The following SLIT2 variants were observed in gnomAD, a reference collection of about 807,000 sequenced individuals.
SLIT2 encodes slit guidance ligand 2.
A neutral mutation model predicts 185.7 loss-of-function variants in SLIT2; 41 were observed. The observed-to-expected ratio is 0.22, with a 90% CI of 0.17 to 0.29. The LOEUF is 0.29. Ranked by LOEUF, SLIT2 falls within the 10% of genes least tolerant of loss-of-function variation. The pLI is 1.00. For missense variants in SLIT2, 1,571 were observed against 1,909.0 expected, an observed-to-expected ratio of 0.82 and a Z score of 3.30; for synonymous variants, 693 against 680.2, an observed-to-expected ratio of 1.02 and a Z score of -0.29.
At chr4:20,505,763 G>T (rs1314786841) in intron 9 of SLIT2, among the ~76,000 whole-genome samples, 1 of 151,920 alleles carries the variant, frequency 6.6e-6, no homozygotes, top group Non-Finnish European at 1.5e-5. Context: ...TAAAGCAGAG[G>T]GATATTTCAC....
chr4:20,302,594 A>C (rs1381476775), intron 4 of SLIT2, among the ~76,000 whole-genome samples: 1 of 152,098 alleles, frequency 6.6e-6, no homozygotes, highest in Non-Finnish European at 1.5e-5. Context: ...GGACTGTGGG[A>C]GGAGATGGCA....
chr4:20,594,140 T>C (rs1209902810), intron 30 of SLIT2, among the ~76,000 whole-genome samples: 1 of 149,346 alleles, frequency 6.7e-6, no homozygotes, highest in Non-Finnish European at 1.5e-5. Flanking sequence ...TATATACATA[T>C]ATACACACAT....
intron 29 of SLIT2, among the ~76,000 whole-genome samples, chr4:20,579,428 GT>G (rs1028705314): frequency 1.3e-5 from 2 of 151,954 alleles, no homozygotes; most frequent in Admixed American, 1.3e-4. Context: ...GTATAATATA[GT>G]TTTTAATAAT....
chr4:20,311,110 A>T (rs1718064879), intron 4 of SLIT2, among the ~76,000 whole-genome samples: 1 of 152,244 alleles, frequency 6.6e-6, no homozygotes, highest in African/African-American at 2.4e-5. Flanking sequence ...GCTGGTCTCA[A>T]ACTCTTGCCC....
chr4:20,495,482 C>G (rs994304927), intron 9 of SLIT2, among the ~76,000 whole-genome samples: 1 of 152,078 alleles, frequency 6.6e-6, no homozygotes, highest in Non-Finnish European at 1.5e-5. Context: ...ATTCATATAG[C>G]AATATGAAAC....
chr4:20,385,632 T>A lies in SLIT2; in HGVS notation c.396-82120T>A, dbSNP rs531797244. Among the ~76,000 whole-genome samples, 4 of 152,296 alleles carry A rather than the reference T, an allele frequency of 2.6e-5. No homozygotes were observed. In the South Asian group the frequency reaches 8.3e-4, roughly 32 times the overall value. On this transcript the variant is annotated intron_variant, in intron 4 of 36. Coordinates refer to ENST00000504154, the MANE Select transcript of SLIT2 (RefSeq NM_004787.4). ...AAGTCAGTTGCATTTCTCTTCAGGATTTTAAGAAGTTTTAGGTGATAAAGG... is the reference window on the plus strand; with the variant it reads ...AAGTCAGTTGCATTTCTCTTCAGGAATTTAAGAAGTTTTAGGTGATAAAGG...
intron 9 of SLIT2, among the ~76,000 whole-genome samples, chr4:20,503,328 T>TA (rs1434376588): frequency 6.6e-6 from 1 of 152,178 alleles, no homozygotes; most frequent in Non-Finnish European, 1.5e-5. Context: ...AAACAAGTGA[T>TA]ACGAAAGATG....
chr4:20,490,651 A>G (rs966388255), intron 8 of SLIT2, among the ~76,000 whole-genome samples: 1 of 152,126 alleles, frequency 6.6e-6, no homozygotes, highest in African/African-American at 2.4e-5. Flanking sequence ...GTTTTTTCAC[A>G]TGTTTTATAA....
At chr4:20,431,664 C>G (rs1728990290) in intron 4 of SLIT2, among the ~76,000 whole-genome samples, 1 of 151,808 alleles carries the variant, frequency 6.6e-6, no homozygotes, top group Non-Finnish European at 1.5e-5. Flanking sequence ...AGTGCTTTAA[C>G]AAGACTTGCG....
intron 4 of SLIT2, among the ~76,000 whole-genome samples, chr4:20,412,686 A>C (rs1727352201): frequency 6.6e-6 from 1 of 152,128 alleles, no homozygotes; most frequent in Non-Finnish European, 1.5e-5. Flanking sequence ...AATTCATATA[A>C]CATAAAAATC....
intron 4 of SLIT2, among the ~76,000 whole-genome samples, chr4:20,446,665 C>T (rs1711838033): frequency 6.6e-6 from 1 of 152,132 alleles, no homozygotes; most frequent in South Asian, 2.1e-4. Flanking sequence ...AAATAAATGG[C>T]TATGTCAGAG....
rs1304694006 is a variant in SLIT2 at position 20,574,764 on chromosome 4, G to T, written c.3088+5760G>T. Among the ~76,000 whole-genome samples the T allele has an allele frequency of 1.2e-4, 18 of 145,368 alleles. No individual in the cohort carries two copies. In the South Asian group the frequency reaches 3.9e-3, roughly 32 times the overall value. ...ATTGTGCCAGTGCACTGCAGCCTGG[G>T]CAAGAGAGTGAGACTCGCTTTCAAA... is the stretch of plus-strand genomic sequence containing the variant. On this transcript the variant is annotated intron_variant, in intron 29 of 36. Coordinates refer to ENST00000504154, the MANE Select transcript of SLIT2 (RefSeq NM_004787.4).
chr4:20,288,219 G>C (rs773523883), intron 4 of SLIT2, among the ~76,000 whole-genome samples: 2 of 152,212 alleles, frequency 1.3e-5, no homozygotes, highest in Non-Finnish European at 2.9e-5. Flanking sequence ...ACAGAGCCAA[G>C]TTTTTGTGGG....
Position 20,488,881 on chromosome 4 carries a change from G to T in SLIT2, c.674G>T (p.Arg225Leu). 6.2e-7 allele frequency: 1 copy of T among 1,611,310 alleles called. No individual in the cohort carries two copies. Among genetic ancestry groups the T allele is most frequent in the Non-Finnish European group, 8.5e-7 (1 of 1,177,958 alleles). Residue 225 changes from arginine (R) to leucine (L), a missense_variant, in exon 8 of 37, where the codon CGC (arginine) becomes CTC (leucine). Arg to Leu is a moderately radical substitution (Grantham distance 102). Around this residue, in one of 3 missense-constraint regions of SLIT2, gnomAD observed 1,202 missense variants for 1,416.4 expected, o/e 0.85. Coordinates refer to ENST00000504154, the MANE Select transcript of SLIT2 (RefSeq NM_004787.4). ...CHLAWLSDWL[R>L]QRPRVGLYTQ... is the part of the protein sequence containing the mutation. ...CTGGCCTGGCTCTCCGACTGGCTTC[G>T]CCAAAGGCCTCGGGTTGGTCTGTAC...
At chr4:20,505,274 G>A (rs138577882) in intron 9 of SLIT2, among the ~76,000 whole-genome samples, 110 of 152,142 alleles carry the variant, frequency 7.2e-4, no homozygotes, top group African/African-American at 2.6e-3. Context: ...GGTCCAGAGA[G>A]CTAATCAGCT....
chr4:20,460,619 C>T (rs1174034657), intron 4 of SLIT2, among the ~76,000 whole-genome samples: 2 of 152,164 alleles, frequency 1.3e-5, no homozygotes, highest in East Asian at 3.9e-4. Context: ...ACCAACGTCT[C>T]CCCAACCTGC....
At chr4:20,570,114 G>T (rs1444609874) in intron 29 of SLIT2, among the ~76,000 whole-genome samples, 1 of 151,984 alleles carries the variant, frequency 6.6e-6, no homozygotes, top group Non-Finnish European at 1.5e-5. Flanking sequence ...GACTCTGAAG[G>T]CTGCCTTTTC....
At chr4:20,408,890 GGAAA>G (rs1186014884) in intron 4 of SLIT2, among the ~76,000 whole-genome samples, 1 of 152,082 alleles carries the variant, frequency 6.6e-6, no homozygotes, top group African/African-American at 2.4e-5. Context: ...ATATGTAAAT[GGAAA>G]GAAAGAATAC....
intron 21 of SLIT2, among the ~76,000 whole-genome samples, chr4:20,543,645 C>G (rs511804): frequency 0.28 from 42,467 of 152,060 alleles, 6,302 homozygotes; most frequent in Non-Finnish European, 0.34. Flanking sequence ...TAATGAGGTT[C>G]AAGGGCATGT....
Sources: allele counts gnomAD v4.1 joint callset (sites outside exome capture counted in the v4.1 genomes callset), GRCh38; gene constraint gnomAD v4.1.1; regional missense constraint gnomAD v4.1.1; transcripts MANE v1.5; gene names NCBI Gene and HGNC (gene_info 2026-07-23, HGNC 2026-07-21).